The following TMEM132B variants were observed in gnomAD, a reference collection of about 807,000 sequenced individuals.
TMEM132B encodes transmembrane protein 132B.
A neutral mutation model predicts 90.8 loss-of-function variants in TMEM132B; 18 were observed. The ratio of observed to expected loss-of-function variants is 0.20; its 90% CI spans 0.14 to 0.29. The LOEUF (loss-of-function observed/expected upper bound fraction) is 0.29, where lower values mean the gene tolerates loss of function less well. Ranked by LOEUF, TMEM132B falls within the 10% of genes least tolerant of loss-of-function variation. The pLI, the probability that TMEM132B is intolerant of heterozygous loss-of-function variation, is 1.00. For synonymous variants in TMEM132B, 504 were observed against 523.3 expected (o/e 0.96, Z 0.50); for missense variants, 1,096 against 1,326.8 (o/e 0.83, Z 2.70).
At chr12:125,575,291 T>C (rs1211793562) in intron 4 of TMEM132B, among the ~76,000 whole-genome samples, 1 of 151,336 alleles carries the variant, frequency 6.6e-6, no homozygotes, top group Non-Finnish European at 1.5e-5. Flanking sequence ...GTATCTCTTT[T>C]TGGTTTACAT....
intron 1 of TMEM132B, among the ~76,000 whole-genome samples, chr12:125,258,420 TC>T (rs767645414): frequency 2.6e-5 from 4 of 152,172 alleles, no homozygotes; most frequent in Non-Finnish European, 5.9e-5. Flanking sequence ...ACCAATGACT[TC>T]CTCATTCATA....
At chr12:125,291,825 C>T (rs1875548758) in intron 1 of TMEM132B, among the ~76,000 whole-genome samples, 1 of 152,176 alleles carries the variant, frequency 6.6e-6, no homozygotes, top group Non-Finnish European at 1.5e-5. Flanking sequence ...AGGTACAGTT[C>T]AGTGGCCTTA....
rs911316026 is a variant in TMEM132B, at chr12:125,656,070, A to G, written c.*1360A>G. ...AATTAAAACGGCAAGAGAAAAAAAGAAACAACTCCTGCATAATGTTTAAAT... is the reference window on the plus strand; with the variant it reads ...AATTAAAACGGCAAGAGAAAAAAAGGAACAACTCCTGCATAATGTTTAAAT... On this transcript the variant is annotated 3_prime_UTR_variant, in exon 9 of 9. Coordinates refer to ENST00000682704, the MANE Select transcript of TMEM132B (RefSeq NM_001366854.1). 2.0e-5 allele frequency: 3 copies of G among 152,316 alleles called. No individual in the cohort carries two copies. In the East Asian group the frequency reaches 5.8e-4, roughly 29 times the overall value. The allele number at this position is 152,316 out of a possible 1,614,324, so 9.4% of individuals were successfully genotyped here.
chr12:125,515,621 CATTT>C (rs1479210775), intron 3 of TMEM132B, among the ~76,000 whole-genome samples: 2 of 149,744 alleles, frequency 1.3e-5, no homozygotes, highest in African/African-American at 2.4e-5. Context: ...CATATTCACA[CATTT>C]AGTCACACAC....
intron 3 of TMEM132B, among the ~76,000 whole-genome samples, chr12:125,441,511 C>T (rs1880870113): frequency 6.6e-6 from 1 of 152,182 alleles, no homozygotes; most frequent in African/African-American, 2.4e-5. Flanking sequence ...TAAATGCAAA[C>T]ATGGCGAGTT....
At chr12:125,336,461 GC>G (rs1876964864) in intron 1 of TMEM132B, among the ~76,000 whole-genome samples, 1 of 152,204 alleles carries the variant, frequency 6.6e-6, no homozygotes, top group African/African-American at 2.4e-5. Flanking sequence ...CCTGAAGCCA[GC>G]CTATGCCAGC....
intron 4 of TMEM132B, among the ~76,000 whole-genome samples, chr12:125,536,605 C>T (rs1883803965): frequency 6.6e-6 from 1 of 152,198 alleles, no homozygotes; most frequent in Admixed American, 6.5e-5. Flanking sequence ...TAAAACATTG[C>T]CTGGCACATG....
chr12:125,326,508 A>C, intron 1 of TMEM132B: 1 of 1,183,906 alleles, frequency 8.4e-7, no homozygotes, highest in Non-Finnish European at 1.2e-6. Context: ...GGCAACCTGT[A>C]TAGTAAACAT....
At chr12:125,226,154 T>C (rs960773961) in intron 1 of TMEM132B, among the ~76,000 whole-genome samples, 1 of 152,132 alleles carries the variant, frequency 6.6e-6, no homozygotes, top group African/African-American at 2.4e-5. Flanking sequence ...CAGCATCAAC[T>C]CCCCATCCAT....
chr12:125,228,859 G>T lies in TMEM132B; in HGVS notation c.67+41993G>T, dbSNP rs150493127. On this transcript the variant is annotated intron_variant, in intron 1 of 8. Coordinates refer to ENST00000682704, the MANE Select transcript of TMEM132B (RefSeq NM_001366854.1). Reference sequence around the variant, plus strand: ...GGTTTAGAAGTGGCCACGTGACCAGGTGCTAGCCCATGAGATAGAAGAGCC... The same window carrying T: ...GGTTTAGAAGTGGCCACGTGACCAGTTGCTAGCCCATGAGATAGAAGAGCC... 3.0e-4 allele frequency among the ~76,000 whole-genome samples: 45 copies of T among 152,292 alleles called. 1 individual carries two copies. In the East Asian group the frequency reaches 5.6e-3, roughly 19 times the overall value.
At chr12:125,579,616 C>A (rs1002856217) in intron 4 of TMEM132B, among the ~76,000 whole-genome samples, 6 of 152,106 alleles carry the variant, frequency 3.9e-5, no homozygotes, top group African/African-American at 7.2e-5. Context: ...CCTGTGTCAG[C>A]CTCCAAAAGT....
chr12:125,481,895 C>A (rs1882053679), intron 3 of TMEM132B, among the ~76,000 whole-genome samples: 1 of 152,072 alleles, frequency 6.6e-6, no homozygotes, highest in South Asian at 2.1e-4. Context: ...ATACTAGTAC[C>A]AAAACAGAGA....
At chr12:125,540,783 C>T (rs1883934229) in intron 4 of TMEM132B, among the ~76,000 whole-genome samples, 1 of 152,340 alleles carries the variant, frequency 6.6e-6, no homozygotes, top group South Asian at 2.1e-4. Flanking sequence ...CCTATCATGT[C>T]TGACCTCTGA....
chr12:125,346,041 A>C (rs1317415528), intron 1 of TMEM132B, among the ~76,000 whole-genome samples: 1 of 152,244 alleles, frequency 6.6e-6, no homozygotes, highest in Non-Finnish European at 1.5e-5. Flanking sequence ...TTGAGGACAG[A>C]ATAAGGCTCT....
chr12:125,397,715 C>T (rs944152639), intron 2 of TMEM132B, among the ~76,000 whole-genome samples: 3 of 152,176 alleles, frequency 2.0e-5, no homozygotes, highest in Non-Finnish European at 4.4e-5. Context: ...AGACTTTCTG[C>T]ATTGGGGAAC....
chr12:125,233,975 T>G (rs78888115), intron 1 of TMEM132B, among the ~76,000 whole-genome samples: 1 of 152,208 alleles, frequency 6.6e-6, no homozygotes, highest in Admixed American at 6.5e-5. Context: ...GGAATTTCTC[T>G]TACTGGCTTC....
chr12:125,653,031 G>A (rs1476718769), intron 8 of TMEM132B, among the ~76,000 whole-genome samples: 1 of 152,164 alleles, frequency 6.6e-6, no homozygotes, highest in African/African-American at 2.4e-5. Context: ...CAATAAGTAT[G>A]GTCAACTCTA....
intron 3 of TMEM132B, among the ~76,000 whole-genome samples, chr12:125,438,510 G>T (rs75120185): frequency 2.4e-4 from 37 of 152,242 alleles, no homozygotes; most frequent in African/African-American, 8.7e-4. Flanking sequence ...AAAAAGTTAA[G>T]AGCTATTTCA....
chr12:125,476,535 T>C (rs1367180520), intron 3 of TMEM132B, among the ~76,000 whole-genome samples: 1 of 152,244 alleles, frequency 6.6e-6, no homozygotes, highest in Non-Finnish European at 1.5e-5. Flanking sequence ...TATCCATTAC[T>C]GTATCAATGG....
Sources: gnomAD v4.1 joint callset for allele counts (sites outside exome capture counted in the v4.1 genomes callset) on GRCh38, gnomAD v4.1.1 for gene constraint, MANE v1.5 for transcripts, NCBI Gene and HGNC (gene_info 2026-07-23, HGNC 2026-07-21) for gene names.